Variants in GPRASP1 observed in about 807,000 individuals in gnomAD.
GPRASP1 encodes the protein G protein-coupled receptor-associated sorting protein 1.
In GPRASP1, 28 loss-of-function variants were observed where a neutral mutation model predicts 68.4. The ratio of observed to expected loss-of-function variants is 0.41; its 90% CI spans 0.30 to 0.56. The LOEUF is 0.56. GPRASP1 is among the 20% of genes least tolerant of loss of function. The pLI is 0.29. For missense variants in GPRASP1, 913 were observed against 1,031.5 expected, an observed-to-expected ratio of 0.89 and a Z score of 1.57; for synonymous variants, 304 against 358.2, an observed-to-expected ratio of 0.85 and a Z score of 1.71.
Position 102,657,537 on chromosome X carries a change from G to A in GPRASP1, c.3624G>A (p.Pro1208=), listed in dbSNP as rs1124050. 680 of 1,210,022 alleles carry A rather than the reference G, an allele frequency of 5.6e-4. 5 individuals carry two copies. In the South Asian group the frequency reaches 0.01, roughly 18 times the overall value. ...VSLIETLLNY[P]SSRVRTSFLE... The stretch of plus-strand genomic sequence containing the variant: ...TTATTGAAACCTTGCTTAATTATCC[G>A]TCCTCCCGAGTTAGAACAAGTTTTT... The change falls in exon 6 of 6, where the codon CCG becomes CCA. Residue 1208 remains proline, a synonymous_variant. Transcript: ENST00000537097.
At position 102,655,304 on chromosome X, in the gene GPRASP1, T is replaced by C. The variant is rs1414018062; in HGVS notation, c.1391T>C (p.Ile464Thr). The C allele has an allele frequency of 2.5e-6, 3 of 1,209,976 alleles. No individual in the cohort carries two copies. The highest frequency in any genetic ancestry group is 3.5e-5 in the South Asian group (2 of 56,817). Residue 464 changes from isoleucine (I) to threonine (T), a missense_variant, in exon 6 of 6, where the codon ATT becomes ACT. Ile to Thr is a moderately conservative substitution (Grantham distance 89, BLOSUM62 -1). Coordinates refer to ENST00000537097, the MANE Select transcript of GPRASP1 (RefSeq NM_001184727.2). The part of the protein sequence containing the change: ...KSRPRTDGER[I>T]GDSLFGAREK... ...AGACCAAGGACTGATGGGGAGCGTA[T>C]TGGTGATTCCTTATTTGGGGCTAGG...
chrX:102,658,230 A>G lies in GPRASP1; in HGVS notation c.*129A>G. The stretch of plus-strand genomic sequence containing the variant: ...TTAGTGCTGACACTAACTTTGTCCA[A>G]CTCTGTCTGTAAGCTGGAGCATTTT... On this transcript the variant is annotated 3_prime_UTR_variant, in exon 6 of 6. Coordinates refer to ENST00000537097, the MANE Select transcript of GPRASP1 (RefSeq NM_001184727.2). The G allele has an allele frequency of 2.4e-6, 1 of 411,868 alleles. No individual in the cohort carries two copies. Among genetic ancestry groups the G allele is most frequent in the Non-Finnish European group, 4.3e-6 (1 of 233,557 alleles). 33.9% of individuals were successfully genotyped at this position (411,868 alleles called of 1,213,427 possible).
chrX:102,656,606 A>G lies in GPRASP1; in HGVS notation c.2693A>G (p.Glu898Gly), dbSNP rs2081415390. ...GGATCTCAGGCAGTAGAGGAAATGG[A>G]GTCAGAGACTGAAGAGGAAACCATT... Reference protein sequence around the residue: ...QAGSQAVEEMESETEEETIFG... With the variant: ...QAGSQAVEEMGSETEEETIFG... The change falls in exon 6 of 6, where the codon GAG (glutamate) becomes GGG (glycine). Residue 898 changes from glutamate to glycine, a missense_variant. Physicochemically the swap from Glu to Gly is moderately conservative, Grantham distance 98. Coordinates refer to ENST00000537097, the MANE Select transcript of GPRASP1 (RefSeq NM_001184727.2). 12 of 1,210,169 alleles carry G rather than the reference A, an allele frequency of 9.9e-6. No homozygotes were observed. The highest frequency in any genetic ancestry group is 2.3e-4 in the Middle Eastern group (1 of 4,349).
rs777148198 is a variant in GPRASP1 at position 102,654,123 on chromosome X, A to T, written c.210A>T (p.Ala70=). The T allele has an allele frequency of 3.2e-5, 39 of 1,210,878 alleles. No individual in the cohort carries two copies. The Middle Eastern group carries it at 3.0e-3, about 92-fold the overall frequency. Residue 70 remains alanine (A), a synonymous_variant, in exon 6 of 6, where the codon GCA becomes GCT. Transcript: ENST00000537097. Reference sequence around the variant, plus strand: ...CAAGCACCAAAGTTGAGACAAGTGCAGTGGGTGGGGCACGCCCTAAGAGTA... The same window carrying T: ...CAAGCACCAAAGTTGAGACAAGTGCTGTGGGTGGGGCACGCCCTAAGAGTA... ...PGASTKVETS[A]VGGARPKSKA...
rs897582456 is a variant in GPRASP1, at chrX:102,657,105, T to C, written c.3192T>C (p.Ser1064=). The C allele has an allele frequency of 1.7e-6, 2 of 1,208,267 alleles. No individual in the cohort carries two copies. The highest frequency in any genetic ancestry group is 2.2e-6 in the Non-Finnish European group (2 of 893,552). The change falls in exon 6 of 6, where the codon TCT becomes TCC. Residue 1064 remains serine, a synonymous_variant. Transcript: ENST00000537097. ...PGPWGRVGFP[S]ISPFRFPKEA... is the part of the protein sequence containing the mutation. ...CATGGGGTAGGGTCGGCTTCCCATC[T>C]ATAAGCCCCTTTAGATTTCCGAAAG...
rs1407439501 is a variant in GPRASP1, at chrX:102,655,335, G to A, written c.1422G>A (p.Lys474=). ...ATTCCTTATTTGGGGCTAGGGAAAA[G>A]ACCAGTATGAAAACTGGGGCTGAGG... ...IGDSLFGARE[K]TSMKTGAEAT... is the part of the protein sequence containing the mutation. Residue 474 remains lysine (K), a synonymous_variant, in exon 6 of 6, where the codon AAG becomes AAA. Transcript: ENST00000537097. 1.7e-6 allele frequency: 2 copies of A among 1,211,425 alleles called. No homozygotes were observed. The highest frequency in any genetic ancestry group is 2.2e-6 in the Non-Finnish European group (2 of 895,064).
rs771589311 is a variant in GPRASP1 at position 102,657,479 on chromosome X, G to A, written c.3566G>A (p.Arg1189Gln). ...ATGAGAAGTGCTTCTCAATTTACCCGAGATTTCATTCGAGATTCAGGTGTT... is the reference window on the plus strand; with the variant it reads ...ATGAGAAGTGCTTCTCAATTTACCCAAGATTTCATTCGAGATTCAGGTGTT... ...MGMRSASQFT[R>Q]DFIRDSGVVS... The change falls in exon 6 of 6, where the codon CGA becomes CAA. Residue 1189 changes from arginine to glutamine, a missense_variant. Coordinates refer to ENST00000537097, the MANE Select transcript of GPRASP1 (RefSeq NM_001184727.2). 6.6e-6 allele frequency: 8 copies of A among 1,210,402 alleles called. No individual in the cohort carries two copies. Among genetic ancestry groups the A allele is most frequent in the African/African-American group, 3.5e-5 (2 of 57,401 alleles).
Position 102,655,826 on chromosome X carries a change from A to G in GPRASP1, c.1913A>G (p.Lys638Arg). Residue 638 changes from lysine (K) to arginine (R), a missense_variant, in exon 6 of 6, where the codon AAG becomes AGG. Physicochemically the swap from Lys to Arg is conservative, Grantham distance 26 (BLOSUM62 2). Coordinates refer to ENST00000537097, the MANE Select transcript of GPRASP1 (RefSeq NM_001184727.2). ...DVNSKSSLED[K>R]EEAMIPCFGA... ...AACAGCAAGTCTAGCCTGGAGGACA[A>G]GGAAGAGGCCATGATACCATGTTTT... 8.3e-7 allele frequency: 1 copy of G among 1,211,167 alleles called. No individual in the cohort carries two copies. Among genetic ancestry groups the G allele is most frequent in the Non-Finnish European group, 1.1e-6 (1 of 895,077 alleles).
At position 102,651,502 on chromosome X, in the gene GPRASP1, C is replaced by T. The variant is rs2081349433; in HGVS notation, c.-712C>T. The T allele has an allele frequency of 8.9e-6, 1 of 112,611 alleles. No individual in the cohort carries two copies. Among genetic ancestry groups the T allele is most frequent in the African/African-American group, 3.2e-5 (1 of 30,921 alleles). The allele number at this position is 112,611 out of a possible 1,213,427, so 9.3% of individuals were successfully genotyped here. A position where few individuals can be genotyped will look rare whatever the true frequency, so the allele number is the denominator to read the frequency against. ...GGACTCGTCTTTGCCATTCGGATCG[C>T]TGGGAAAGCGGTGGGAATCCAACTG... On this transcript the variant is annotated 5_prime_UTR_variant, in exon 1 of 6. Coordinates refer to ENST00000537097, the MANE Select transcript of GPRASP1 (RefSeq NM_001184727.2).
chrX:102,658,548 C>G lies in GPRASP1; in HGVS notation c.*447C>G. 8.2e-6 allele frequency: 1 copy of G among 122,488 alleles called. No homozygotes were observed. Among genetic ancestry groups the G allele is most frequent in the Non-Finnish European group, 1.9e-5 (1 of 53,385 alleles). The allele number at this position is 122,488 out of a possible 1,213,427, so 10.1% of individuals were successfully genotyped here. On this transcript the variant is annotated 3_prime_UTR_variant, in exon 6 of 6. Coordinates refer to ENST00000537097, the MANE Select transcript of GPRASP1 (RefSeq NM_001184727.2). ...TAATATATGAATAATATGTTCCTTT[C>G]AAAAGTTTTTTTCTCAGCTTTAAAC... is the stretch of plus-strand genomic sequence containing the variant.
chrX:102,655,846 T>C lies in GPRASP1; in HGVS notation c.1933T>C (p.Cys645Arg). Reference sequence around the variant, plus strand: ...GGACAAGGAAGAGGCCATGATACCATGTTTTGGAGCCAAAGAAGAGGTCAG... The same window carrying C: ...GGACAAGGAAGAGGCCATGATACCACGTTTTGGAGCCAAAGAAGAGGTCAG... ...LEDKEEAMIP[C>R]FGAKEEVSMK... The change falls in exon 6 of 6, where the codon TGT becomes CGT. Residue 645 changes from cysteine to arginine, a missense_variant. Physicochemically the swap from Cys to Arg is radical, Grantham distance 180. Coordinates refer to ENST00000537097, the MANE Select transcript of GPRASP1 (RefSeq NM_001184727.2). The C allele has an allele frequency of 8.3e-7, 1 of 1,211,199 alleles. No homozygotes were observed.
In GPRASP1 at chrX:102,658,848, G is replaced by C; in HGVS notation, c.*747G>C. 8.1e-6 allele frequency: 1 copy of C among 122,755 alleles called. No individual in the cohort carries two copies. Among genetic ancestry groups the C allele is most frequent in the Admixed American group, 9.6e-5 (1 of 10,437 alleles). The allele number at this position is 122,755 out of a possible 1,213,427, so 10.1% of individuals were successfully genotyped here. ...AACTGCTGCTTCCATACTACCTAAA[G>C]GGCAAAAGAATAAGACAGGAAAGCA... On this transcript the variant is annotated 3_prime_UTR_variant, in exon 6 of 6. Transcript: ENST00000537097.
At position 102,652,234 on chromosome X, in the gene GPRASP1, G is replaced by A. The variant is rs765259250; in HGVS notation, c.-512G>A. On this transcript the variant is annotated 5_prime_UTR_variant, in exon 3 of 6. Transcript: ENST00000537097. Reference sequence around the variant, plus strand: ...TGTAGAGGAGAGGCTTGAAATAAAGGAGGAGCACGAATATTCCCTGGATTT... The same window carrying A: ...TGTAGAGGAGAGGCTTGAAATAAAGAAGGAGCACGAATATTCCCTGGATTT... 1 of 112,762 alleles carries A rather than the reference G, an allele frequency of 8.9e-6. No individual in the cohort carries two copies. The highest frequency in any genetic ancestry group is 2.8e-4 in the East Asian group (1 of 3,549). The allele number at this position is 112,762 out of a possible 1,213,427, so 9.3% of individuals were successfully genotyped here. A position where few individuals can be genotyped will look rare whatever the true frequency, so the allele number is the denominator to read the frequency against.
chrX:102,654,960 T>A lies in GPRASP1; in HGVS notation c.1047T>A (p.Asp349Glu). Reference sequence around the variant, plus strand: ...TTGATTTCATGCCTGGGTCTATAGATGTAATTAAAAAAGAGTCCTGTTTCT... The same window carrying A: ...TTGATTTCATGCCTGGGTCTATAGAAGTAATTAAAAAAGAGTCCTGTTTCT... Reference protein sequence around the residue: ...ACIDFMPGSIDVIKKESCFWP... With the variant: ...ACIDFMPGSIEVIKKESCFWP... The change falls in exon 6 of 6, where the codon GAT becomes GAA. Residue 349 changes from aspartate (D) to glutamate (E), a missense_variant. Physicochemically the swap from Asp to Glu is conservative, Grantham distance 45. Transcript: ENST00000537097. 3 of 1,210,358 alleles carry A rather than the reference T, an allele frequency of 2.5e-6. No individual in the cohort carries two copies. Among genetic ancestry groups the A allele is most frequent in the Non-Finnish European group, 3.4e-6 (3 of 894,556 alleles).
rs763543381 is a variant in GPRASP1 at position 102,657,000 on chromosome X, G to A, written c.3087G>A (p.Thr1029=). Residue 1029 remains threonine, a synonymous_variant, in exon 6 of 6, where the codon ACG becomes ACA. Transcript: ENST00000537097. ...TGTTCAGGGCCATTTGCAGGTCCAC[G>A]TGTTCAGTTGAACAGGAGCCTGATC... is the stretch of plus-strand genomic sequence containing the variant. ...SPVFRAICRS[T]CSVEQEPDPS... 14 of 1,208,956 alleles carry A rather than the reference G, an allele frequency of 1.2e-5. No homozygotes were observed. The highest frequency in any genetic ancestry group is 5.3e-5 in the South Asian group (3 of 56,771).
chrX:102,657,645 C>T lies in GPRASP1; in HGVS notation c.3732C>T (p.Thr1244=). Residue 1244 remains threonine, a synonymous_variant, in exon 6 of 6, where the codon ACC becomes ACT. Coordinates refer to ENST00000537097, the MANE Select transcript of GPRASP1 (RefSeq NM_001184727.2). ...QTYICKVCEE[T]LAYSVDSPEQ... is the part of the protein sequence containing the mutation. ...ACATATGTAAAGTGTGTGAGGAAAC[C>T]CTTGCTTATAGCGTGGATTCCCCGG... The T allele has an allele frequency of 1.2e-5, 14 of 1,210,836 alleles. No individual in the cohort carries two copies. The highest frequency in any genetic ancestry group is 1.5e-5 in the Non-Finnish European group (13 of 894,731).
At position 102,658,328 on chromosome X, in the gene GPRASP1, G is replaced by C; in HGVS notation, c.*227G>C. ...TGTCTTGTCCACATTGTGATGTTCA[G>C]TATTTGAGCTTATAGTGAACTGAGC... is the stretch of plus-strand genomic sequence containing the variant. On this transcript the variant is annotated 3_prime_UTR_variant, in exon 6 of 6. Transcript: ENST00000537097. 6.0e-6 allele frequency: 2 copies of C among 335,833 alleles called. No individual in the cohort carries two copies. The highest frequency in any genetic ancestry group is 1.1e-5 in the Non-Finnish European group (2 of 187,062). 27.7% of individuals were successfully genotyped at this position (335,833 alleles called of 1,213,427 possible). A position where few individuals can be genotyped will look rare whatever the true frequency, so the allele number is the denominator to read the frequency against.
rs1033016477 is a variant in GPRASP1 at position 102,658,088 on chromosome X, A to G, written c.4175A>G (p.Asp1392Gly). Residue 1392 changes from aspartate to glycine, a missense_variant, in exon 6 of 6, where the codon GAC becomes GGC. Asp to Gly is a moderately conservative substitution (Grantham distance 94). Transcript: ENST00000537097. ...KTDNQNDPEG[D>G]QEN ...GACAATCAAAATGACCCTGAAGGGG[A>G]CCAAGAAAATTAGTAATGGTTAATT... 1.9e-6 allele frequency: 2 copies of G among 1,076,433 alleles called. No homozygotes were observed. Among genetic ancestry groups the G allele is most frequent in the East Asian group, 3.0e-5 (1 of 33,042 alleles). 88.7% of individuals were successfully genotyped at this position (1,076,433 alleles called of 1,213,427 possible).
Position 102,655,171 on chromosome X carries a change from G to A in GPRASP1, c.1258G>A (p.Glu420Lys), listed in dbSNP as rs2081396500. ...WATDESSMAD[E>K]ASIESSLQVE... ...TACAGACGAGTCCAGCATGGCAGATGAAGCCAGCATAGAGTCCAGTCTACA... is the reference window on the plus strand; with the variant it reads ...TACAGACGAGTCCAGCATGGCAGATAAAGCCAGCATAGAGTCCAGTCTACA... Residue 420 changes from glutamate to lysine, a missense_variant, in exon 6 of 6, where the codon GAA becomes AAA. By Grantham distance (56) the Glu-to-Lys change is moderately conservative (BLOSUM62 1). Coordinates refer to ENST00000537097, the MANE Select transcript of GPRASP1 (RefSeq NM_001184727.2). 1 of 1,211,965 alleles carries A rather than the reference G, an allele frequency of 8.3e-7. No individual in the cohort carries two copies. Among genetic ancestry groups the A allele is most frequent in the Non-Finnish European group, 1.1e-6 (1 of 895,537 alleles).
Sources: allele counts gnomAD v4.1 joint callset, GRCh38; gene constraint gnomAD v4.1.1; transcripts MANE v1.5; gene names NCBI Gene and HGNC (gene_info 2026-07-23, HGNC 2026-07-21).